Variants in PALM2AKAP2 observed in about 807,000 individuals in gnomAD.
PALM2AKAP2 encodes the protein PALM2 and AKAP2 fusion, also known as PALM2-AKAP2 fusion protein.
A neutral mutation model predicts 71.5 loss-of-function variants in PALM2AKAP2; 37 were observed. That is an observed-to-expected ratio of 0.52 (90% CI 0.40 to 0.68). The LOEUF is 0.68. PALM2AKAP2 is among the 30% of genes least tolerant of loss of function. The probability of loss-of-function intolerance (pLI) is 0.00; values close to 1 mark genes in which losing one functional copy is unlikely to be tolerated. For synonymous variants in PALM2AKAP2, 468 were observed against 478.8 expected (o/e 0.98, Z 0.29); for missense variants, 1,224 against 1,191.8 (o/e 1.03, Z -0.40).
chr9:110,103,302 T>G (rs1835044061), intron 1 of PALM2AKAP2, among the ~76,000 whole-genome samples: 1 of 152,222 alleles, frequency 6.6e-6, no homozygotes, highest in African/African-American at 2.4e-5. Flanking sequence ...CAGTAGGTAT[T>G]CAGTTGCCTT....
intron 6 of PALM2AKAP2, chr9:109,943,265 T>C: frequency 6.2e-7 from 1 of 1,614,224 alleles, no homozygotes; most frequent in Non-Finnish European, 8.5e-7. Context: ...GTGACGGACG[T>C]GTCCACTATT....
At chr9:109,879,234 C>T (rs917041217) in intron 2 of PALM2AKAP2, among the ~76,000 whole-genome samples, 10 of 152,196 alleles carry the variant, frequency 6.6e-5, no homozygotes, top group Non-Finnish European at 1.3e-4. Flanking sequence ...TGAGATCAAA[C>T]GAAATTCTGG....
chr9:109,815,196 T>C (rs1827821720), intron 1 of PALM2AKAP2, among the ~76,000 whole-genome samples: 1 of 152,078 alleles, frequency 6.6e-6, no homozygotes. Context: ...AGAAATAAAG[T>C]TGATAGCCAT....
chr9:109,729,250 T>G (rs542711723), intron 1 of PALM2AKAP2, among the ~76,000 whole-genome samples: 1 of 152,318 alleles, frequency 6.6e-6, no homozygotes, highest in East Asian at 1.9e-4. Flanking sequence ...CATGGCCACC[T>G]GAGCCTCCAG....
At chr9:110,152,253 G>A (rs986128991) in intron 2 of PALM2AKAP2, among the ~76,000 whole-genome samples, 7 of 140,664 alleles carry the variant, frequency 5.0e-5, no homozygotes, top group African/African-American at 1.8e-4. Flanking sequence ...AGAAAAAAAA[G>A]TGTTCTATAG....
chr9:109,736,700 G>A (rs981695169), intron 1 of PALM2AKAP2, among the ~76,000 whole-genome samples: 5 of 152,014 alleles, frequency 3.3e-5, no homozygotes, highest in Non-Finnish European at 5.9e-5. Context: ...TACCCATCAC[G>A]TGAATAGTGA....
chr9:109,790,248 A>G (rs76217610), intron 1 of PALM2AKAP2, among the ~76,000 whole-genome samples: 2,237 of 152,144 alleles, frequency 0.015, 58 homozygotes, highest in African/African-American at 0.051. Context: ...GCAATACCAA[A>G]TATCTTGAAG....
At chr9:110,058,419 C>G (rs1833891678) in intron 1 of PALM2AKAP2, among the ~76,000 whole-genome samples, 1 of 152,196 alleles carries the variant, frequency 6.6e-6, no homozygotes, top group Admixed American at 6.5e-5. Context: ...AACATTCCCT[C>G]CCATTCCCAA....
chr9:110,011,194 A>G (rs1352017343), intron 6 of PALM2AKAP2, among the ~76,000 whole-genome samples: 1 of 147,426 alleles, frequency 6.8e-6, no homozygotes, highest in African/African-American at 2.5e-5. Flanking sequence ...ATATTAATTT[A>G]TATATGGAGA....
intron 1 of PALM2AKAP2, among the ~76,000 whole-genome samples, chr9:109,769,387 G>A (rs189463729): frequency 2.6e-5 from 4 of 152,300 alleles, no homozygotes; most frequent in Admixed American, 1.3e-4. Flanking sequence ...TGATGCCCAT[G>A]TGTCACTTGC....
intron 1 of PALM2AKAP2, among the ~76,000 whole-genome samples, chr9:110,119,327 G>A (rs1208859372): frequency 1.7e-4 from 23 of 134,688 alleles, no homozygotes; most frequent in African/African-American, 5.9e-4. Flanking sequence ...TGGTGACAGA[G>A]CGAGACTCCA....
At chr9:109,799,716 A>C (rs1183029033) in intron 1 of PALM2AKAP2, among the ~76,000 whole-genome samples, 1 of 152,132 alleles carries the variant, frequency 6.6e-6, no homozygotes, top group Non-Finnish European at 1.5e-5. Context: ...GCTTGTCTCG[A>C]ACTCCTGGGC....
intron 6 of PALM2AKAP2, among the ~76,000 whole-genome samples, chr9:109,993,879 TC>T: frequency 6.6e-6 from 1 of 151,902 alleles, no homozygotes; most frequent in Middle Eastern, 3.4e-3. Context: ...TCTCTTCATC[TC>T]TCCCTGTCTC....
chr9:109,894,773 CT>C (rs1251823895), intron 3 of PALM2AKAP2, among the ~76,000 whole-genome samples: 3 of 152,106 alleles, frequency 2.0e-5, no homozygotes, highest in East Asian at 1.9e-4. Flanking sequence ...CAAGACCACA[CT>C]TTTTTTTCCT....
chr9:109,755,715 C>T (rs1015972193), intron 1 of PALM2AKAP2, among the ~76,000 whole-genome samples: 1 of 151,788 alleles, frequency 6.6e-6, no homozygotes, highest in Non-Finnish European at 1.5e-5. Flanking sequence ...CCCTTAGTAT[C>T]CCTTTACACT....
At chr9:109,646,442 G>A (rs1827155619) in intron 1 of PALM2AKAP2, among the ~76,000 whole-genome samples, 1 of 152,208 alleles carries the variant, frequency 6.6e-6, no homozygotes, top group Admixed American at 6.5e-5. Flanking sequence ...AATGTGGGTG[G>A]CAGCCTTGGA....
At chr9:109,851,209 C>CAA (rs56938333) in intron 1 of PALM2AKAP2, among the ~76,000 whole-genome samples, 8,049 of 144,610 alleles carry the variant, frequency 0.056, 311 homozygotes, top group South Asian at 0.082. Context: ...ACAACAACAA[C>CAA]AAAAAAAAAA....
At chr9:109,985,605 A>G in intron 6 of PALM2AKAP2, among the ~76,000 whole-genome samples, 2 of 135,694 alleles carry the variant, frequency 1.5e-5, no homozygotes. Context: ...GGGCGACAGA[A>G]CGAGACTCCG....
intron 3 of PALM2AKAP2, among the ~76,000 whole-genome samples, chr9:109,903,809 TACATGTAGAC>T (rs1025913026): frequency 1.3e-5 from 2 of 151,876 alleles, no homozygotes; most frequent in Non-Finnish European, 2.9e-5. Context: ...TTTTTTTTTT[TACATGTAGAC>T]ACACATGTGC....
Sources: allele counts gnomAD v4.1 joint callset (sites outside exome capture counted in the v4.1 genomes callset), GRCh38; gene constraint gnomAD v4.1.1; transcripts MANE v1.5; gene names NCBI Gene and HGNC (gene_info 2026-07-23, HGNC 2026-07-21).